NEB: variants seen among roughly 807,000 people sequenced by gnomAD.
NEB encodes nebulin, also known as nemaline myopathy type 2.
Under a neutral mutation model 952.2 loss-of-function variants are expected in NEB, and 512 were observed. The ratio of observed to expected loss-of-function variants is 0.54; its 90% CI spans 0.50 to 0.58. The LOEUF is 0.58. Among genes scored for constraint, NEB ranks in the 20% least tolerant of loss-of-function variants. NEB has a pLI of 0.00. For missense variants in NEB, 8,428 were observed against 9,231.1 expected (o/e 0.91, Z 3.56); for synonymous variants, 2,900 against 3,149.8 (o/e 0.92, Z 2.66).
At chr2:151,671,395 G>C (rs1020766641) in intron 37 of NEB, 166 bp from the exon 38 acceptor site, 4 of 622,484 alleles carry the variant, frequency 6.4e-6, no homozygotes, top group Non-Finnish European at 1.1e-5. Flanking sequence ...AGAAGAAGCT[G>C]TTCTGTTGTT....
intron 10 of NEB, chr2:151,716,266 G>A (rs1446766210): frequency 6.5e-6 from 2 of 309,888 alleles, no homozygotes; most frequent in Non-Finnish European, 1.3e-5. Context: ...AGCCTCCCAA[G>A]TAGCTGAGAT....
chr2:151,708,455 C>G (rs2099729621), intron 12 of NEB, among the ~76,000 whole-genome samples: 1 of 152,132 alleles, frequency 6.6e-6, no homozygotes, highest in Admixed American at 6.5e-5. Context: ...TCCCTTCCCC[C>G]TTCACTTGCT....
chr2:151,491,590 G>A (rs1352665602), intron 179 of NEB, 93 bp downstream of exon 179: 3 of 1,070,074 alleles, frequency 2.8e-6, no homozygotes, highest in Non-Finnish European at 4.2e-6. Context: ...GAAAACTCTG[G>A]AGGGAAGGAA....
chr2:151,531,695 C>A, intron 144 of NEB, 97 bp downstream of exon 144: 2 of 885,436 alleles, frequency 2.3e-6, no homozygotes, highest in Non-Finnish European at 3.7e-6. Context: ...CACTAAATGG[C>A]AGTAGTCTCC....
rs542055948 is a variant in NEB at position 151,606,561 on chromosome 2, G to A, written c.12747+45C>T. The A allele has an allele frequency of 1.3e-4, 83 of 624,038 alleles. 24 individuals carry two copies. The highest frequency in any genetic ancestry group is 1.6e-4 in the Non-Finnish European group (61 of 382,422). The allele number at this position is 624,038 out of a possible 1,614,324, so 38.7% of individuals were successfully genotyped here. A position where few individuals can be genotyped will look rare whatever the true frequency, so the allele number is the denominator to read the frequency against. On this transcript the variant is annotated intron_variant, in intron 84 of 181. Transcript: ENST00000397345. ...TTCTTGAAAAATAGTCTCCCTGCTC[G>A]TTTTGTAGAAAAGAAAAACCACAAG...
intron 161 of NEB, among the ~76,000 whole-genome samples, chr2:151,512,017 C>CTTTT (rs2074799760): frequency 7.7e-6 from 1 of 130,128 alleles, no homozygotes; most frequent in Non-Finnish European, 1.6e-5. Flanking sequence ...TACCCTCTCA[C>CTTTT]TCTTTTTTTT....
chr2:151,713,224 G>T (rs915248466), intron 10 of NEB, among the ~76,000 whole-genome samples: 1 of 152,004 alleles, frequency 6.6e-6, no homozygotes, highest in African/African-American at 2.4e-5. Flanking sequence ...ATTTTTATGT[G>T]GTTACCAAAT....
intron 43 of NEB, 25 bp downstream of exon 43, chr2:151,664,733 GC>G: frequency 1.3e-6 from 2 of 1,575,656 alleles, no homozygotes; most frequent in Non-Finnish European, 1.7e-6. Context: ...CTTCTCCCCA[GC>G]TTTTGCTGTT....
chr2:151,658,108 G>A lies in NEB; in HGVS notation c.6076-18C>T. ...TAGAGTTTCTGTAAAGAGAGGCAAA[G>A]GGAAGAGTTTTCTTCTAAATATGAA... On this transcript the variant is annotated intron_variant, in intron 47 of 181. Transcript: ENST00000397345. 6.7e-7 allele frequency: 1 copy of A among 1,500,820 alleles called. No individual in the cohort carries two copies. The highest frequency in any genetic ancestry group is 2.3e-5 in the East Asian group (1 of 43,484). 93.0% of individuals were successfully genotyped at this position (1,500,820 alleles called of 1,614,324 possible). A position where few individuals can be genotyped will look rare whatever the true frequency, so the allele number is the denominator to read the frequency against.
Position 151,669,150 on chromosome 2 carries a change from G to A in NEB, c.4507-19C>T, listed in dbSNP as rs2099255375. ...AGTTCAACTAAAAACAAAGGAGACA[G>A]CATGCACATATCATTAGCTGACATA... On this transcript the variant is annotated intron_variant, in intron 38 of 181. Transcript: ENST00000397345. 29 of 1,446,362 alleles carry A rather than the reference G, an allele frequency of 2.0e-5. No individual in the cohort carries two copies. The highest frequency in any genetic ancestry group is 2.7e-5 in the Non-Finnish European group (28 of 1,046,534). 89.6% of individuals were successfully genotyped at this position (1,446,362 alleles called of 1,614,324 possible). A position where few individuals can be genotyped will look rare whatever the true frequency, so the allele number is the denominator to read the frequency against.
intron 13 of NEB, among the ~76,000 whole-genome samples, chr2:151,702,250 T>C (rs1433745581): frequency 2.6e-5 from 4 of 152,068 alleles, no homozygotes; most frequent in East Asian, 1.9e-4. Context: ...ATAATGTCTG[T>C]TCTTTTACAT....
At chr2:151,628,474 G>A (rs2098576979) in intron 68 of NEB, among the ~76,000 whole-genome samples, 1 of 152,266 alleles carries the variant, frequency 6.6e-6, no homozygotes. Context: ...GTTGGTGGTG[G>A]TAAGGGCAAA....
At chr2:151,618,039 G>A (rs1201466368) in intron 74 of NEB, among the ~76,000 whole-genome samples, 2 of 152,022 alleles carry the variant, frequency 1.3e-5, no homozygotes, top group East Asian at 1.9e-4. Flanking sequence ...CAGCCTGGGC[G>A]ACGAGAACAA....
rs757944456 is a variant in NEB at position 151,630,807 on chromosome 2, C to T, written c.9631G>A (p.Glu3211Lys). 45 of 1,607,646 alleles carry T rather than the reference C, an allele frequency of 2.8e-5. 1 individual carries two copies. The Middle Eastern group carries it at 6.6e-4, about 24-fold the overall frequency. ...ALNMNKRLYT[E>K]AWDKDKTQIH... ...TGAGTCTTGTCTTTGTCCCAGGCCTCTGTGTATAAACGCTATAAAAGAAGA... is the reference window on the plus strand; with the variant it reads ...TGAGTCTTGTCTTTGTCCCAGGCCTTTGTGTATAAACGCTATAAAAGAAGA... Residue 3211 changes from glutamate to lysine, a missense_variant, in exon 67 of 182, where the codon GAG (glutamate) becomes AAG (lysine). Physicochemically the swap from Glu to Lys is moderately conservative, Grantham distance 56 (BLOSUM62 1). Transcript: ENST00000397345.
At chr2:151,673,285 A>G (rs916077209) in intron 36 of NEB, among the ~76,000 whole-genome samples, 31 of 152,142 alleles carry the variant, frequency 2.0e-4, no homozygotes, top group Non-Finnish European at 2.9e-5. Flanking sequence ...ACAGGTCAGA[A>G]CCTCAACTGT....
chr2:151,664,638 T>A (rs760732381), intron 43 of NEB, 30 bp from the exon 44 acceptor site: 2 of 1,565,930 alleles, frequency 1.3e-6, no homozygotes, highest in South Asian at 1.2e-5. Context: ...AACAACAGCA[T>A]CTTGTTATTG....
At chr2:151,645,468 T>C (rs1002294547) in intron 55 of NEB, among the ~76,000 whole-genome samples, 4 of 152,194 alleles carry the variant, frequency 2.6e-5, no homozygotes, top group African/African-American at 9.6e-5. Context: ...TGAAAGAATT[T>C]GTTTTTTCAG....
intron 162 of NEB, chr2:151,507,668 T>G: frequency 4.0e-6 from 1 of 247,934 alleles, no homozygotes; most frequent in Non-Finnish European, 7.8e-6. Context: ...TGGGTAGTCA[T>G]TTCTGAAGCT....
At chr2:151,658,160 A>G (rs2099106926) in intron 47 of NEB, 70 bp from the exon 48 acceptor site, 6 of 1,145,838 alleles carry the variant, frequency 5.2e-6, no homozygotes. Context: ...AGAAGAGTAA[A>G]CTACCACTGT....
Sources: allele counts gnomAD v4.1 joint callset (sites outside exome capture counted in the v4.1 genomes callset), GRCh38; gene constraint gnomAD v4.1.1; transcripts MANE v1.5; gene names NCBI Gene and HGNC (gene_info 2026-07-23, HGNC 2026-07-21).